TKFC: variants seen among roughly 807,000 people sequenced by gnomAD.
TKFC encodes the protein triokinase and FMN cyclase.
A neutral mutation model predicts 61.0 loss-of-function variants in TKFC; 46 were observed. That is an observed-to-expected ratio of 0.75 (90% confidence interval 0.60 to 0.96). The LOEUF (loss-of-function observed/expected upper bound fraction) is 0.96, where lower values mean the gene tolerates loss of function less well. Ranked by LOEUF, TKFC falls within the 50% of genes least tolerant of loss-of-function variation. TKFC has a pLI of 0.00. For missense variants in TKFC, 715 were observed against 777.5 expected, an observed-to-expected ratio of 0.92 and a Z score of 0.96; for synonymous variants, 314 against 330.1, an observed-to-expected ratio of 0.95 and a Z score of 0.53.
chr11:61,352,660 C>CA (rs927567521), downstream of TKFC: 573 of 490,468 alleles, frequency 1.2e-3, no homozygotes, highest in East Asian at 1.4e-3. Flanking sequence ...GACTCCATCT[C>CA]AAAAAAAAAG....
chr11:61,334,603 G>A lies in TKFC; in HGVS notation c.-109-17G>A, dbSNP rs889636719. 8.6e-6 allele frequency: 11 copies of A among 1,277,630 alleles called. No homozygotes were observed. The Admixed American group carries it at 9.4e-5, about 11-fold the overall frequency. 79.1% of individuals were successfully genotyped at this position (1,277,630 alleles called of 1,614,324 possible). On this transcript the variant is annotated splice_polypyrimidine_tract_variant and intron_variant, in intron 1 of 17. Transcript: ENST00000394900. ...GCGAGTTCCTTCCGCAGCTTGTATC[G>A]TTACCCACTCCTGCAGGTGCTGCTG...
chr11:61,344,192 G>A lies in TKFC; in HGVS notation c.1159G>A (p.Gly387Ser). 6.2e-7 allele frequency: 1 copy of A among 1,612,606 alleles called. No individual in the cohort carries two copies. Among genetic ancestry groups the A allele is most frequent in the Non-Finnish European group, 8.5e-7 (1 of 1,180,010 alleles). ...GGAACGGGTGTGCAGCACTCTCCTGGGCCTGGAGGAACACCTGAATGCCCT... is the reference window on the plus strand; with the variant it reads ...GGAACGGGTGTGCAGCACTCTCCTGAGCCTGGAGGAACACCTGAATGCCCT... ...VLERVCSTLL[G>S]LEEHLNALDR... Residue 387 changes from glycine to serine, a missense_variant, in exon 13 of 18, where the codon GGC becomes AGC. Transcript: ENST00000394900.
At chr11:61,334,580 G>A (rs998308490) in intron 1 of TKFC, 40 bp from the exon 2 acceptor site, 12 of 1,014,068 alleles carry the variant, frequency 1.2e-5, no homozygotes, top group Middle Eastern at 2.5e-4. Flanking sequence ...AGTCGACTGC[G>A]AGTTCCTTCC....
rs1857275354 is a variant in TKFC at position 61,349,083 on chromosome 11, A to G, written c.*2580A>G. ...ACCCCAGGCTTCTCACTTGCTTACTAAGCACAGCAGTCTGAAGCTTGGGAC... is the reference window on the plus strand; with the variant it reads ...ACCCCAGGCTTCTCACTTGCTTACTGAGCACAGCAGTCTGAAGCTTGGGAC... On this transcript the variant is annotated 3_prime_UTR_variant, in exon 18 of 18. Coordinates refer to ENST00000394900, the MANE Select transcript of TKFC (RefSeq NM_015533.4). The G allele has an allele frequency of 5.9e-6, 1 of 170,408 alleles. No homozygotes were observed. Among genetic ancestry groups the G allele is most frequent in the South Asian group, 1.5e-4 (1 of 6,776 alleles). The allele number at this position is 170,408 out of a possible 1,614,324, so 10.6% of individuals were successfully genotyped here.
downstream of TKFC, chr11:61,350,307 T>A: frequency 6.6e-7 from 1 of 1,526,680 alleles, no homozygotes; most frequent in Non-Finnish European, 8.9e-7. Context: ...AGTCGCCTGC[T>A]GAAACCAGCC....
At chr11:61,337,110 T>C (rs1856640994) in intron 2 of TKFC, among the ~76,000 whole-genome samples, 1 of 152,348 alleles carries the variant, frequency 6.6e-6, no homozygotes, top group African/African-American at 2.4e-5. Flanking sequence ...CTGTGACCTC[T>C]GCTGTGTTTC....
Position 61,347,010 on chromosome 11 carries a change from A to G in TKFC, c.*507A>G. 1 of 986,392 alleles carries G rather than the reference A, an allele frequency of 1.0e-6. No individual in the cohort carries two copies. The highest frequency in any genetic ancestry group is 1.7e-5 in the African/African-American group (1 of 57,334). 61.1% of individuals were successfully genotyped at this position (986,392 alleles called of 1,614,324 possible). On this transcript the variant is annotated 3_prime_UTR_variant, in exon 18 of 18. Transcript: ENST00000394900. The stretch of plus-strand genomic sequence containing the variant: ...CTGCAGGCATCATGACCCATCTTCT[A>G]CCAGGCAGATCTTTATTACCTGAGC...
intron 5 of TKFC, among the ~76,000 whole-genome samples, chr11:61,340,142 C>G (rs1856797039): frequency 6.6e-6 from 1 of 152,158 alleles, no homozygotes; most frequent in African/African-American, 2.4e-5. Flanking sequence ...TCCCGAGTAG[C>G]TGGGATTACA....
intron 13 of TKFC, among the ~76,000 whole-genome samples, chr11:61,344,755 G>A (rs1321473506): frequency 1.3e-5 from 2 of 152,216 alleles, no homozygotes; most frequent in African/African-American, 2.4e-5. Flanking sequence ...AACTCAAGGC[G>A]AACTTATTCT....
downstream of TKFC, chr11:61,352,970 C>A (rs372119128): frequency 2.4e-5 from 38 of 1,614,084 alleles, 2 homozygotes; most frequent in African/African-American, 3.2e-4. Context: ...GAGTTGGGGA[C>A]CCCACTGCAC....
Position 61,334,600 on chromosome 11 carries a change from A to G in TKFC, c.-109-20A>G. ...ACTGCGAGTTCCTTCCGCAGCTTGT[A>G]TCGTTACCCACTCCTGCAGGTGCTG... On this transcript the variant is annotated intron_variant, in intron 1 of 17. Transcript: ENST00000394900. The G allele has an allele frequency of 1.6e-6, 2 of 1,237,234 alleles. No individual in the cohort carries two copies. Among genetic ancestry groups the G allele is most frequent in the Admixed American group, 3.8e-5 (2 of 52,600 alleles). 76.6% of individuals were successfully genotyped at this position (1,237,234 alleles called of 1,614,324 possible). A position where few individuals can be genotyped will look rare whatever the true frequency, so the allele number is the denominator to read the frequency against.
chr11:61,339,289 G>A lies in TKFC; in HGVS notation c.340G>A (p.Asp114Asn), dbSNP rs773572870. The change falls in exon 5 of 18, where the codon GAT (aspartate) becomes AAT (asparagine). Residue 114 changes from aspartate (D) to asparagine (N), a missense_variant. Coordinates refer to ENST00000394900, the MANE Select transcript of TKFC (RefSeq NM_015533.4). ...CCTTATCGTGAAGAACTACACTGGG[G>A]ATCGGCTCAACTTCGGCCTGGCCCG... ...TLLIVKNYTG[D>N]RLNFGLAREQ... 9.9e-6 allele frequency: 16 copies of A among 1,613,716 alleles called. No homozygotes were observed. In the African/African-American group the frequency reaches 1.7e-4, roughly 17 times the overall value.
At chr11:61,342,715 G>A (rs199992882) in intron 9 of TKFC, 40 bp from the exon 10 acceptor site, 38 of 1,612,694 alleles carry the variant, frequency 2.4e-5, no homozygotes, top group South Asian at 5.5e-5. Context: ...GGGAGGAGAC[G>A]CCCAGAGGGT....
intron 3 of TKFC, 134 bp downstream of exon 3, chr11:61,338,264 C>T (rs944812747): frequency 2.7e-5 from 22 of 820,476 alleles, no homozygotes; most frequent in Non-Finnish European, 3.9e-5. Context: ...CACTCTCCCA[C>T]TCCCTCCGGC....
chr11:61,345,357 A>C lies in TKFC; in HGVS notation c.1338A>C (p.Ser446=). ...TGCTCCTGGAGAAGATGGGAGGCTC[A>C]TCTGGGGCGGTGGGTGCCTGGGGGC... ...SVLLLEKMGG[S]SGALYGLFLT... is the part of the protein sequence containing the mutation. The change falls in exon 14 of 18, where the codon TCA becomes TCC. Residue 446 remains serine, a synonymous_variant. Transcript: ENST00000394900. The C allele has an allele frequency of 6.2e-7, 1 of 1,602,040 alleles. No individual in the cohort carries two copies. Among genetic ancestry groups the C allele is most frequent in the African/African-American group, 1.3e-5 (1 of 74,890 alleles).
In TKFC at chr11:61,339,250, G is replaced by C. The variant is rs201876999; in HGVS notation, c.305-4G>C. ...ACACTGAGCCCTTCCGGCTGCTCCCGCAGTGGGGACGCTCCTTATCGTGAA... is the reference window on the plus strand; with the variant it reads ...ACACTGAGCCCTTCCGGCTGCTCCCCCAGTGGGGACGCTCCTTATCGTGAA... On this transcript the variant is annotated splice_polypyrimidine_tract_variant and splice_region_variant and intron_variant, in intron 4 of 17. Transcript: ENST00000394900. The C allele has an allele frequency of 2.5e-5, 40 of 1,612,044 alleles. No individual in the cohort carries two copies. In the Admixed American group the frequency reaches 6.3e-4, roughly 26 times the overall value.
rs893389437 is a variant in TKFC, at chr11:61,333,339, T to C, written c.-110+10T>C. 3 of 177,964 alleles carry C rather than the reference T, an allele frequency of 1.7e-5. No homozygotes were observed. Among genetic ancestry groups the C allele is most frequent in the Admixed American group, 1.3e-4 (2 of 15,948 alleles). The allele number at this position is 177,964 out of a possible 1,614,324, so 11.0% of individuals were successfully genotyped here. A position where few individuals can be genotyped will look rare whatever the true frequency, so the allele number is the denominator to read the frequency against. ...TGAGCCGGCGGGGGAGGTGCGCCAG[T>C]GTCCTCCGAGCTCGCCCGCAGACTC... is the stretch of plus-strand genomic sequence containing the variant. On this transcript the variant is annotated intron_variant, in intron 1 of 17. Coordinates refer to ENST00000394900, the MANE Select transcript of TKFC (RefSeq NM_015533.4).
At chr11:61,341,401 T>A (rs1856844808) in intron 5 of TKFC, 35 bp from the exon 6 acceptor site, 2 of 1,549,044 alleles carry the variant, frequency 1.3e-6, no homozygotes, top group South Asian at 2.4e-5. Flanking sequence ...AGTGATACCC[T>A]CCCCCCTGGG....
rs1856909673 is a variant in TKFC at position 61,342,617 on chromosome 11, T to C, written c.734T>C (p.Met245Thr). The change falls in exon 9 of 18, where the codon ATG (methionine) becomes ACG (threonine). Residue 245 changes from methionine to threonine, a missense_variant. By Grantham distance (81) the Met-to-Thr change is moderately conservative (BLOSUM62 -1). Transcript: ENST00000394900. ...DEIVKLMLDH[M>T]TNTTNASHVP... ...ATTGTGAAACTCATGCTCGACCACA[T>C]GACAAACACCACCAACGCGTCCCAT... is the stretch of plus-strand genomic sequence containing the variant. 1 of 1,614,054 alleles carries C rather than the reference T, an allele frequency of 6.2e-7. No homozygotes were observed. The highest frequency in any genetic ancestry group is 2.2e-5 in the East Asian group (1 of 44,882).
Sources: gnomAD v4.1 joint callset for allele counts (sites outside exome capture counted in the v4.1 genomes callset) on GRCh38, gnomAD v4.1.1 for gene constraint, MANE v1.5 for transcripts, NCBI Gene and HGNC (gene_info 2026-07-23, HGNC 2026-07-21) for gene names.